DOCK4: variants seen among roughly 807,000 people sequenced by gnomAD.
DOCK4 encodes dedicator of cytokinesis protein 4.
In DOCK4, 97 loss-of-function variants were observed where a neutral mutation model predicts 268.1. That is an observed-to-expected ratio of 0.36 (90% CI 0.31 to 0.43). The LOEUF is 0.43. Among genes scored for constraint, DOCK4 ranks in the 20% least tolerant of loss-of-function variants. The pLI, the probability that DOCK4 is intolerant of heterozygous loss-of-function variation, is 1.00. For synonymous variants in DOCK4, 954 were observed against 887.2 expected, an observed-to-expected ratio of 1.08 and a Z score of -1.34; for missense variants, 2,145 against 2,455.7, an observed-to-expected ratio of 0.87 and a Z score of 2.67.
At chr7:112,179,899 T>C (rs139919721) in intron 1 of DOCK4, among the ~76,000 whole-genome samples, 55 of 152,310 alleles carry the variant, frequency 3.6e-4, no homozygotes, top group Non-Finnish European at 6.8e-4. Context: ...TGACTTTTCA[T>C]ATTATGCCAA....
At chr7:111,956,581 T>G (rs538206027) in intron 8 of DOCK4, among the ~76,000 whole-genome samples, 60 of 152,270 alleles carry the variant, frequency 3.9e-4, no homozygotes, top group Admixed American at 3.0e-3. Flanking sequence ...AGGTTAAATA[T>G]CTCCACAGGT....
chr7:111,956,521 C>T (rs187476735), intron 8 of DOCK4, among the ~76,000 whole-genome samples: 205 of 152,280 alleles, frequency 1.3e-3, no homozygotes, highest in African/African-American at 4.6e-3. Context: ...AGCTGAGTCA[C>T]GCAAGAAGCT....
rs373553871 is a variant in DOCK4 at position 112,155,148 on chromosome 7, TTTTTC to T, written c.37+50949_37+50953del. Among the ~76,000 whole-genome samples, 73 of 152,314 alleles carry T rather than the reference TTTTTC, an allele frequency of 4.8e-4. No individual in the cohort carries two copies. In the East Asian group the frequency reaches 0.014, roughly 28 times the overall value. On this transcript the variant is annotated intron_variant, in intron 1 of 52. Transcript: ENST00000428084. ...TTTTTAGAGATCAGCAGCATAGCGC[TTTTTC>T]TTTTATGTGACACTGTTTAACCGTC...
chr7:111,785,944 T>C (rs1252157897), intron 32 of DOCK4, among the ~76,000 whole-genome samples: 4 of 152,088 alleles, frequency 2.6e-5, no homozygotes, highest in African/African-American at 9.7e-5. Flanking sequence ...GAAAGAAATC[T>C]GTGTGTGTGT....
At chr7:112,173,673 C>T (rs1187411284) in intron 1 of DOCK4, among the ~76,000 whole-genome samples, 1 of 152,108 alleles carries the variant, frequency 6.6e-6, no homozygotes, top group East Asian at 1.9e-4. Flanking sequence ...GCATGAAGAC[C>T]TGCAGGAGGC....
chr7:111,782,545 G>A (rs1230697110), intron 35 of DOCK4, among the ~76,000 whole-genome samples: 1 of 152,122 alleles, frequency 6.6e-6, no homozygotes, highest in African/African-American at 2.4e-5. Flanking sequence ...CTTTTTGCTA[G>A]GACAGCAACA....
At chr7:111,855,409 A>T (rs1481715459) in intron 23 of DOCK4, among the ~76,000 whole-genome samples, 1 of 151,902 alleles carries the variant, frequency 6.6e-6, no homozygotes, top group East Asian at 1.9e-4. Flanking sequence ...AGAAGGAATG[A>T]CTCTGAGGCT....
At chr7:112,005,968 G>A (rs1478502934) in intron 1 of DOCK4, among the ~76,000 whole-genome samples, 1 of 152,132 alleles carries the variant, frequency 6.6e-6, no homozygotes, top group African/African-American at 2.4e-5. Flanking sequence ...CACTCATTTT[G>A]CCTTCCAGGA....
At chr7:112,098,036 T>A (rs1810310301) in intron 1 of DOCK4, among the ~76,000 whole-genome samples, 1 of 152,164 alleles carries the variant, frequency 6.6e-6, no homozygotes, top group Non-Finnish European at 1.5e-5. Context: ...TACACAATTA[T>A]CAGCAACAGC....
intron 1 of DOCK4, among the ~76,000 whole-genome samples, chr7:112,169,386 A>AAT (rs768857803): frequency 2.0e-5 from 3 of 152,322 alleles, no homozygotes; most frequent in Non-Finnish European, 4.4e-5. Flanking sequence ...AACTGGTGGC[A>AAT]ATACAGCTTG....
chr7:111,911,719 T>G (rs1792117892), intron 13 of DOCK4, among the ~76,000 whole-genome samples: 1 of 152,176 alleles, frequency 6.6e-6, no homozygotes, highest in Non-Finnish European at 1.5e-5. Flanking sequence ...AGTGTCATCT[T>G]GCTTTATATT....
At chr7:111,860,396 A>AT (rs1261745486) in intron 23 of DOCK4, among the ~76,000 whole-genome samples, 1 of 152,214 alleles carries the variant, frequency 6.6e-6, no homozygotes, top group East Asian at 1.9e-4. Context: ...AGCCCATCTT[A>AT]TACATCACAG....
intron 1 of DOCK4, among the ~76,000 whole-genome samples, chr7:112,167,154 G>C (rs1817679017): frequency 2.0e-5 from 3 of 152,194 alleles, no homozygotes; most frequent in African/African-American, 7.2e-5. Context: ...TCTCAATTAA[G>C]AGATGCTATT....
chr7:112,161,689 A>C (rs1411511783), intron 1 of DOCK4, among the ~76,000 whole-genome samples: 1 of 152,202 alleles, frequency 6.6e-6, no homozygotes, highest in Non-Finnish European at 1.5e-5. Context: ...GAAGGAAGGT[A>C]GGTTAAGCTC....
chr7:111,910,673 C>T (rs1792023238), intron 13 of DOCK4, among the ~76,000 whole-genome samples: 1 of 152,226 alleles, frequency 6.6e-6, no homozygotes. Flanking sequence ...GATGTTCCTA[C>T]TGGAAAGCAC....
At chr7:112,197,326 A>G (rs1820538164) in intron 1 of DOCK4, among the ~76,000 whole-genome samples, 1 of 151,088 alleles carries the variant, frequency 6.6e-6, no homozygotes, top group South Asian at 2.1e-4. Context: ...GTACAAATCT[A>G]TTGCTTTATA....
intron 32 of DOCK4, chr7:111,784,540 G>A (rs566201737): frequency 3.6e-5 from 16 of 447,466 alleles, no homozygotes; most frequent in African/African-American, 3.2e-4. Flanking sequence ...TCACTCAACA[G>A]TTTCATTCAT....
chr7:112,094,685 G>C (rs1809945499), intron 1 of DOCK4, among the ~76,000 whole-genome samples: 1 of 152,158 alleles, frequency 6.6e-6, no homozygotes, highest in Non-Finnish European at 1.5e-5. Flanking sequence ...AGTTAATAGA[G>C]TTGGGATATT....
At chr7:111,883,108 C>A (rs1436133635) in intron 16 of DOCK4, among the ~76,000 whole-genome samples, 1 of 152,122 alleles carries the variant, frequency 6.6e-6, no homozygotes. Flanking sequence ...TTCATATAGA[C>A]AGAAGAATGC....
Sources: gnomAD v4.1 joint callset for allele counts (sites outside exome capture counted in the v4.1 genomes callset) on GRCh38, gnomAD v4.1.1 for gene constraint, MANE v1.5 for transcripts, NCBI Gene and HGNC (gene_info 2026-07-23, HGNC 2026-07-21) for gene names.